Variants in RARB observed in about 807,000 individuals in gnomAD.
RARB encodes the protein retinoic acid receptor beta, also known as HBV-activated protein.
A neutral mutation model predicts 51.9 loss-of-function variants in RARB; 17 were observed. That is an observed-to-expected ratio of 0.33 (90% confidence interval 0.22 to 0.49). The LOEUF is 0.49. Among genes scored for constraint, RARB ranks in the 20% least tolerant of loss-of-function variants. RARB has a pLI of 0.99. For missense variants in RARB, 369 were observed against 550.8 expected, an observed-to-expected ratio of 0.67 and a Z score of 3.30; for synonymous variants, 215 against 195.4, an observed-to-expected ratio of 1.10 and a Z score of -0.84.
chr3:25,446,802 C>CAA lies in RARB; in HGVS notation c.158-14363_158-14362dup, dbSNP rs5847356. On this transcript the variant is annotated intron_variant, in intron 1 of 7. Transcript: ENST00000330688. ...TGGGTGACAGAGCCAGACTCCGTCT[C>CAA]AAAAAAAAAAAAAAAAAAAAAAAAA... 2.2e-3 allele frequency among the ~76,000 whole-genome samples: 149 copies of CAA among 69,082 alleles called. 6 individuals are homozygous for CAA. Among genetic ancestry groups the CAA allele is most frequent in the African/African-American group, 4.8e-3 (74 of 15,498 alleles). The allele number at this position is 69,082 out of a possible 152,430, so 45.3% of individuals were successfully genotyped here. A position where few individuals can be genotyped will look rare whatever the true frequency, so the allele number is the denominator to read the frequency against.
intron 3 of RARB, among the ~76,000 whole-genome samples, chr3:25,067,811 G>A (rs890524468): frequency 2.0e-5 from 3 of 151,930 alleles, no homozygotes; most frequent in African/African-American, 7.3e-5. Context: ...ACAGTTTTTG[G>A]CTAGAAACAA....
chr3:25,478,059 CAG>C (rs1485017348), intron 2 of RARB, among the ~76,000 whole-genome samples: 4 of 152,160 alleles, frequency 2.6e-5, no homozygotes, highest in Non-Finnish European at 5.9e-5. Flanking sequence ...ATGGTGGTCT[CAG>C]AGTTGTCAGA....
intron 2 of RARB, among the ~76,000 whole-genome samples, chr3:24,970,574 A>AACAC (rs60292267): frequency 9.5e-4 from 142 of 148,876 alleles, no homozygotes; most frequent in Middle Eastern, 6.9e-3. Flanking sequence ...AAGTCATGTA[A>AACAC]ACACACACAC....
intron 2 of RARB, among the ~76,000 whole-genome samples, chr3:25,028,109 T>C (rs572880038): frequency 3.8e-4 from 58 of 152,296 alleles, no homozygotes; most frequent in Non-Finnish European, 6.2e-4. Flanking sequence ...CCCACCTACT[T>C]CACTTTGTGT....
chr3:25,151,817 T>C (rs908089362), intron 4 of RARB, among the ~76,000 whole-genome samples: 9 of 152,258 alleles, frequency 5.9e-5, no homozygotes, highest in Non-Finnish European at 8.8e-5. Flanking sequence ...CCCATCAGTA[T>C]GTTAATACGG....
chr3:24,879,904 G>A (rs1703124464), intron 2 of RARB, among the ~76,000 whole-genome samples: 1 of 151,940 alleles, frequency 6.6e-6, no homozygotes, highest in Admixed American at 6.6e-5. Context: ...TTTATTCAGG[G>A]AGTTTTGTCC....
chr3:25,065,893 G>A (rs991437675), intron 3 of RARB, among the ~76,000 whole-genome samples: 3 of 152,018 alleles, frequency 2.0e-5, no homozygotes, highest in African/African-American at 7.2e-5. Context: ...TGACTTTTGT[G>A]GTTGTTCTGT....
chr3:25,420,155 A>G (rs948155675), intron 5 of RARB, among the ~76,000 whole-genome samples: 6 of 152,112 alleles, frequency 3.9e-5, no homozygotes, highest in African/African-American at 1.4e-4. Context: ...CTCCAACAGA[A>G]ATTTCACAGG....
chr3:25,183,042 C>A (rs114927418), intron 5 of RARB, among the ~76,000 whole-genome samples: 2,413 of 152,196 alleles, frequency 0.016, 49 homozygotes, highest in African/African-American at 0.054. Context: ...TTTTGGACTT[C>A]TGGCCTACAG....
intron 5 of RARB, among the ~76,000 whole-genome samples, chr3:25,339,232 C>T (rs893555561): frequency 6.6e-6 from 1 of 152,204 alleles, no homozygotes; most frequent in African/African-American, 2.4e-5. Flanking sequence ...AAAGCTGCCT[C>T]CTTCCATATT....
In RARB at chr3:25,010,115, T is replaced by C. The variant is rs138211582; in HGVS notation, c.-379-50010T>C. ...TTACCCTTTTCTTTTTCTTGTAATA[T>C]TGGGTCCCAACTTTTTTTTATACCG... On this transcript the variant is annotated intron_variant, in intron 2 of 11. Coordinates refer to the RARB transcript ENST00000383772. 6.7e-5 allele frequency among the ~76,000 whole-genome samples: 10 copies of C among 149,416 alleles called. No homozygotes were observed. In the East Asian group the frequency reaches 2.0e-3, roughly 30 times the overall value.
intron 1 of RARB, among the ~76,000 whole-genome samples, chr3:25,450,862 A>G (rs1427862588): frequency 3.9e-5 from 6 of 152,124 alleles, no homozygotes; most frequent in Admixed American, 3.9e-4. Flanking sequence ...AAGGAGGAGG[A>G]TCACCTGAGG....
At chr3:24,955,134 T>C (rs944831388) in intron 2 of RARB, among the ~76,000 whole-genome samples, 4 of 151,936 alleles carry the variant, frequency 2.6e-5, no homozygotes, top group African/African-American at 9.7e-5. Flanking sequence ...TTTTATTAAG[T>C]GGAGGATTTT....
chr3:25,535,127 A>T (rs1422218530), intron 3 of RARB, among the ~76,000 whole-genome samples: 2 of 152,206 alleles, frequency 1.3e-5, no homozygotes, highest in African/African-American at 4.8e-5. Flanking sequence ...TCACTCCACT[A>T]TTAGCCAGGC....
chr3:24,989,077 C>T (rs1297282505), intron 2 of RARB, among the ~76,000 whole-genome samples: 5 of 152,314 alleles, frequency 3.3e-5, no homozygotes, highest in East Asian at 1.9e-4. Flanking sequence ...CTGCCTGTCT[C>T]GGCCTCCCAA....
intron 1 of RARB, among the ~76,000 whole-genome samples, chr3:24,830,875 A>T (rs1039256758): frequency 1.3e-5 from 2 of 152,136 alleles, no homozygotes; most frequent in African/African-American, 4.8e-5. Flanking sequence ...TTATAAATTA[A>T]TTTTTAAAAG....
At chr3:25,417,441 T>C (rs1212866655) in intron 5 of RARB, among the ~76,000 whole-genome samples, 1 of 152,076 alleles carries the variant, frequency 6.6e-6, no homozygotes, top group Non-Finnish European at 1.5e-5. Context: ...GGTAACTGAC[T>C]CCCCCCAAGG....
intron 3 of RARB, among the ~76,000 whole-genome samples, chr3:25,522,722 G>A (rs1003311168): frequency 5.3e-5 from 8 of 152,134 alleles, no homozygotes; most frequent in African/African-American, 1.7e-4. Flanking sequence ...GCACAGCCCC[G>A]GGTAAGGGGG....
intron 5 of RARB, among the ~76,000 whole-genome samples, chr3:25,265,432 A>C (rs952764879): frequency 1.3e-5 from 2 of 152,110 alleles, no homozygotes; most frequent in Non-Finnish European, 2.9e-5. Context: ...CCTTGCTACT[A>C]CAAAAAAACA....
Sources: allele counts gnomAD v4.1 joint callset (sites outside exome capture counted in the v4.1 genomes callset), GRCh38; gene constraint gnomAD v4.1.1; transcripts MANE v1.5; gene names NCBI Gene and HGNC (gene_info 2026-07-23, HGNC 2026-07-21).